Variants in OR6F1 observed in about 807,000 individuals in gnomAD.
The protein encoded by OR6F1 is olfactory receptor 6F1.
For missense variants in OR6F1, 346 were observed against 376.0 expected (o/e 0.92, Z 0.66); for synonymous variants, 144 against 150.0 (o/e 0.96, Z 0.29).
Position 247,712,271 on chromosome 1 carries a change from AGGGCTGT to A in OR6F1, c.478_484del (p.Thr160SerfsTer34), listed in dbSNP as rs1660019727. The A allele has an allele frequency of 6.2e-7, 1 of 1,614,138 alleles. No individual in the cohort carries two copies. The highest frequency in any genetic ancestry group is 8.5e-7 in the Non-Finnish European group (1 of 1,179,952). ...GCCACAGAAGGACAGGCCACTGATGAGGGCTGTGGGCACTGCAATGGCCACGAAACCA... is the reference window on the plus strand; with the variant it reads ...GCCACAGAAGGACAGGCCACTGATGAGGGCACTGCAATGGCCACGAAACCA... On this transcript the variant is annotated frameshift_variant, in exon 3 of 3. Coordinates refer to ENST00000641470, the MANE Select transcript of OR6F1 (RefSeq NM_001005286.2). LOFTEE classifies it low-confidence loss of function (END_TRUNC).
Position 247,711,826 on chromosome 1 carries a change from G to T in OR6F1, c.*3C>A. 6.3e-7 allele frequency: 1 copy of T among 1,591,728 alleles called. No homozygotes were observed. Among genetic ancestry groups the T allele is most frequent in the Non-Finnish European group, 8.6e-7 (1 of 1,160,326 alleles). On this transcript the variant is annotated 3_prime_UTR_variant, in exon 3 of 3. Transcript: ENST00000641470. ...ACAGGACATCTGTTGTGGTAGAGGAGATTTATTTTCCCTTCCATTTCTTCA... is the reference window on the plus strand; with the variant it reads ...ACAGGACATCTGTTGTGGTAGAGGATATTTATTTTCCCTTCCATTTCTTCA...
At chr1:247,713,373 T>G (rs1427575087) in intron 2 of OR6F1, among the ~76,000 whole-genome samples, 1 of 152,108 alleles carries the variant, frequency 6.6e-6, no homozygotes, top group Non-Finnish European at 1.5e-5. Context: ...TTGTCTTCTC[T>G]TGATGATTTC....
Position 247,712,627 on chromosome 1 carries a change from C to A in OR6F1, c.129G>T (p.Val43=). ...AGGTGCTCACCAACATCAAGATAGC[C>A]ACATTACCACTAACTGTGAGGATGT... ...VMYILTVSGN[V]AILMLVSTSH... Residue 43 remains valine (V), a synonymous_variant, in exon 3 of 3, where the codon GTG becomes GTT. Coordinates refer to ENST00000641470, the MANE Select transcript of OR6F1 (RefSeq NM_001005286.2). The A allele has an allele frequency of 6.2e-7, 1 of 1,613,858 alleles. No individual in the cohort carries two copies. The highest frequency in any genetic ancestry group is 8.5e-7 in the Non-Finnish European group (1 of 1,179,816).
intron 1 of OR6F1, among the ~76,000 whole-genome samples, chr1:247,714,419 CCT>C (rs1660068988): frequency 6.6e-6 from 1 of 151,300 alleles, no homozygotes; most frequent in East Asian, 1.9e-4. Context: ...AATTCATACC[CCT>C]GAGAACCCCT....
intron 2 of OR6F1, 82 bp from the exon 3 acceptor site, chr1:247,712,899 G>A (rs941669545): frequency 1.8e-6 from 1 of 565,640 alleles, no homozygotes; most frequent in African/African-American, 1.9e-5. Context: ...AACTTTCATT[G>A]AATGCCTGCT....
rs1403687907 is a variant in OR6F1, at chr1:247,711,760, C to T, written c.*69G>A. The T allele has an allele frequency of 2.0e-6, 2 of 1,008,476 alleles. No individual in the cohort carries two copies. The highest frequency in any genetic ancestry group is 1.6e-5 in the African/African-American group (1 of 62,216). 62.5% of individuals were successfully genotyped at this position (1,008,476 alleles called of 1,614,324 possible). Reference sequence around the variant, plus strand: ...AAGAAAGATTTGCCCTATTCCTCCACATTCTTACTTGGAACCTCTGTATAG... The same window carrying T: ...AAGAAAGATTTGCCCTATTCCTCCATATTCTTACTTGGAACCTCTGTATAG... On this transcript the variant is annotated 3_prime_UTR_variant, in exon 3 of 3. Coordinates refer to ENST00000641470, the MANE Select transcript of OR6F1 (RefSeq NM_001005286.2).
Position 247,712,302 on chromosome 1 carries a change from C to A in OR6F1, c.454G>T (p.Gly152Cys). Residue 152 changes from glycine to cysteine, a missense_variant, in exon 3 of 3, where the codon GGT (glycine) becomes TGT (cysteine). By Grantham distance (159) the Gly-to-Cys change is radical (BLOSUM62 -3). Coordinates refer to ENST00000641470, the MANE Select transcript of OR6F1 (RefSeq NM_001005286.2). ...GTGGGCACTGCAATGGCCACGAAAC[C>A]ACACACCCAGGAGCCCAGGGCCAGC... ...AQLALGSWVC[G>C]FVAIAVPTAL... The A allele has an allele frequency of 1.2e-6, 2 of 1,614,164 alleles. No individual in the cohort carries two copies. Among genetic ancestry groups the A allele is most frequent in the Non-Finnish European group, 1.7e-6 (2 of 1,180,012 alleles).
intron 2 of OR6F1, among the ~76,000 whole-genome samples, chr1:247,713,166 A>G (rs190719260): frequency 1.3e-5 from 2 of 152,332 alleles, no homozygotes; most frequent in East Asian, 3.9e-4. Flanking sequence ...CTACATTTTA[A>G]CTAGACTCTG....
intron 2 of OR6F1, among the ~76,000 whole-genome samples, chr1:247,713,653 T>C (rs973706093): frequency 6.6e-6 from 1 of 152,224 alleles, no homozygotes; most frequent in Non-Finnish European, 1.5e-5. Flanking sequence ...CCAAAACCTA[T>C]GTTTAGGAGA....
Position 247,711,812 on chromosome 1 carries a change from G to T in OR6F1, c.*17C>A, listed in dbSNP as rs374095173. 1.3e-4 allele frequency: 207 copies of T among 1,543,772 alleles called. No individual in the cohort carries two copies. Among genetic ancestry groups the T allele is most frequent in the Admixed American group, 6.2e-4 (37 of 59,522 alleles). On this transcript the variant is annotated 3_prime_UTR_variant, in exon 3 of 3. Coordinates refer to ENST00000641470, the MANE Select transcript of OR6F1 (RefSeq NM_001005286.2). ...TGCAGAGACCATTTACAGGACATCT[G>T]TTGTGGTAGAGGAGATTTATTTTCC...
chr1:247,712,724 T>C lies in OR6F1; in HGVS notation c.32A>G (p.Asp11Gly), dbSNP rs761146460. MDTGNKTLPQ[D>G]FLLLGFPGSQ... ...ACCAGGAAAGCCCAGTAAGAGAAAG[T>C]CCTGGGGCAGAGTTTTGTTGCCTGT... The change falls in exon 3 of 3, where the codon GAC becomes GGC. Residue 11 changes from aspartate (D) to glycine (G), a missense_variant. Coordinates refer to ENST00000641470, the MANE Select transcript of OR6F1 (RefSeq NM_001005286.2). 3 of 1,595,264 alleles carry C rather than the reference T, an allele frequency of 1.9e-6. No individual in the cohort carries two copies. The highest frequency in any genetic ancestry group is 1.7e-5 in the Admixed American group (1 of 59,772).
intron 2 of OR6F1, among the ~76,000 whole-genome samples, chr1:247,713,267 G>C (rs539626656): frequency 9.6e-4 from 145 of 151,768 alleles, no homozygotes; most frequent in Non-Finnish European, 1.6e-3. Flanking sequence ...TTTAGCAGTT[G>C]TAGCTTCTAA....
In OR6F1 at chr1:247,711,732, A is replaced by T. The variant is rs1024653200; in HGVS notation, c.*97T>A. 7 of 749,588 alleles carry T rather than the reference A, an allele frequency of 9.3e-6. No homozygotes were observed. In the African/African-American group the frequency reaches 1.2e-4, roughly 13 times the overall value. 46.4% of individuals were successfully genotyped at this position (749,588 alleles called of 1,614,324 possible). On this transcript the variant is annotated 3_prime_UTR_variant, in exon 3 of 3. Coordinates refer to ENST00000641470, the MANE Select transcript of OR6F1 (RefSeq NM_001005286.2). ...TTGTTTGTTTGTTTTTTCTCTGTGT[A>T]CCAAGAAAGATTTGCCCTATTCCTC...
chr1:247,711,661 T>C lies in OR6F1; in HGVS notation c.*168A>G. On this transcript the variant is annotated 3_prime_UTR_variant, in exon 3 of 3. Transcript: ENST00000641470. The stretch of plus-strand genomic sequence containing the variant: ...CATTTGCTTATGTCAAAAACTCCCA[T>C]TTTTATCATACATGATAATGTATAG... The C allele has an allele frequency of 1.9e-6, 1 of 515,356 alleles. No homozygotes were observed. Among genetic ancestry groups the C allele is most frequent in the Non-Finnish European group, 3.4e-6 (1 of 294,714 alleles). 31.9% of individuals were successfully genotyped at this position (515,356 alleles called of 1,614,324 possible). A position where few individuals can be genotyped will look rare whatever the true frequency, so the allele number is the denominator to read the frequency against.
At chr1:247,715,458 C>G (rs1420777683) in intron 1 of OR6F1, among the ~76,000 whole-genome samples, 1 of 152,012 alleles carries the variant, frequency 6.6e-6, no homozygotes, top group Non-Finnish European at 1.5e-5. Context: ...TTGTATTTTA[C>G]TTTTACTTAT....
Position 247,712,405 on chromosome 1 carries a change from G to A in OR6F1, c.351C>T (p.Ala117=). The change falls in exon 3 of 3, where the codon GCC becomes GCT. Residue 117 remains alanine, a synonymous_variant. Transcript: ENST00000641470. ...LGCTEYFLLA[A]MAYDRCLAIC... ...TGGCAAGACAGCGGTCATAAGCCAT[G>A]GCTGCCAGGAGGAAGTACTCTGTGC... 6.2e-7 allele frequency: 1 copy of A among 1,614,074 alleles called. No individual in the cohort carries two copies. The highest frequency in any genetic ancestry group is 8.5e-7 in the Non-Finnish European group (1 of 1,179,876).
chr1:247,716,148 G>A (rs1374361063), intron 1 of OR6F1, among the ~76,000 whole-genome samples, 183 bp downstream of exon 1: 1 of 152,050 alleles, frequency 6.6e-6, no homozygotes, highest in Non-Finnish European at 1.5e-5. Context: ...AGCTACTCGG[G>A]AGCCTGAGGC....
At position 247,711,487 on chromosome 1, in the gene OR6F1, C is replaced by A; in HGVS notation, c.*342G>T. 5.3e-6 allele frequency: 1 copy of A among 187,824 alleles called. No individual in the cohort carries two copies. Among genetic ancestry groups the A allele is most frequent in the South Asian group, 1.2e-4 (1 of 8,142 alleles). The allele number at this position is 187,824 out of a possible 1,614,324, so 11.6% of individuals were successfully genotyped here. ...CAAATGTAGTTCTCAATATTTTATACTAAGACAATTTTGCTAATCTTTAAA... is the reference window on the plus strand; with the variant it reads ...CAAATGTAGTTCTCAATATTTTATAATAAGACAATTTTGCTAATCTTTAAA... On this transcript the variant is annotated 3_prime_UTR_variant, in exon 3 of 3. Transcript: ENST00000641470.
chr1:247,712,584 G>A lies in OR6F1; in HGVS notation c.172C>T (p.Pro58Ser), dbSNP rs141051959. The A allele has an allele frequency of 1.1e-5, 17 of 1,613,920 alleles. No individual in the cohort carries two copies. Among genetic ancestry groups the A allele is most frequent in the Non-Finnish European group, 1.4e-5 (17 of 1,179,932 alleles). ...AGGTTGCTCAGAAAGAAGTACATGG[G>A]GGTATGCAACTGATGGGAGGTGCTC... is the stretch of plus-strand genomic sequence containing the variant. ...LVSTSHQLHT[P>S]MYFFLSNLSF... is the part of the protein sequence containing the mutation. Residue 58 changes from proline (P) to serine (S), a missense_variant, in exon 3 of 3, where the codon CCC becomes TCC. Coordinates refer to ENST00000641470, the MANE Select transcript of OR6F1 (RefSeq NM_001005286.2).
Sources: allele counts gnomAD v4.1 joint callset (sites outside exome capture counted in the v4.1 genomes callset), GRCh38; gene constraint gnomAD v4.1.1; transcripts MANE v1.5; gene names NCBI Gene and HGNC (gene_info 2026-07-23, HGNC 2026-07-21).